EIF4E: variants seen among roughly 807,000 people sequenced by gnomAD.
EIF4E encodes the protein eukaryotic translation initiation factor 4E.
For missense variants in EIF4E, 113 were observed against 265.6 expected (o/e 0.43, Z 3.99); for synonymous variants, 71 against 88.5 (o/e 0.80, Z 1.11).
intron 3 of EIF4E, chr4:98,890,950 G>T: frequency 2.3e-6 from 1 of 440,050 alleles, no homozygotes; most frequent in South Asian, 2.5e-5. Context: ...ACCAGGAGTG[G>T]AACAAGTTCC....
chr4:98,911,205 C>T (rs548589822), intron 1 of EIF4E, among the ~76,000 whole-genome samples: 15 of 151,720 alleles, frequency 9.9e-5, no homozygotes, highest in African/African-American at 1.9e-4. Context: ...CCTGCCACCA[C>T]GCCCGGCTAA....
At chr4:98,893,291 T>C (rs112103528) in intron 2 of EIF4E, among the ~76,000 whole-genome samples, 7,517 of 152,264 alleles carry the variant, frequency 0.049, 612 homozygotes, top group African/African-American at 0.17. Flanking sequence ...TTGCTGAAGA[T>C]TGGGGTGGCT....
intron 2 of EIF4E, 132 bp from the exon 3 acceptor site, chr4:98,891,464 A>G: frequency 1.4e-6 from 1 of 734,702 alleles, no homozygotes; most frequent in Non-Finnish European, 2.4e-6. Flanking sequence ...GTATATATAC[A>G]CACAATGGAA....
At chr4:98,917,685 G>A (rs1320257877) in intron 1 of EIF4E, among the ~76,000 whole-genome samples, 2 of 152,176 alleles carry the variant, frequency 1.3e-5, no homozygotes, top group African/African-American at 4.8e-5. Context: ...AGATGGAGGA[G>A]GGGCCAAAGA....
rs773718107 is a variant in EIF4E at position 98,928,951 on chromosome 4, C to T, written c.18+144G>A. The T allele has an allele frequency of 1.9e-6, 3 of 1,578,294 alleles. No individual in the cohort carries two copies. In the South Asian group the frequency reaches 3.5e-5, roughly 18 times the overall value. On this transcript the variant is annotated intron_variant, in intron 1 of 6. Coordinates refer to ENST00000450253, the MANE Select transcript of EIF4E (RefSeq NM_001968.5). Reference sequence around the variant, plus strand: ...ATCCTCCGGGACGTCCCCACTTGTCCGCGGGAGGTCAGGTCCAACATGAAG... The same window carrying T: ...ATCCTCCGGGACGTCCCCACTTGTCTGCGGGAGGTCAGGTCCAACATGAAG...
chr4:98,893,280 G>C (rs761532069), intron 2 of EIF4E, among the ~76,000 whole-genome samples: 6 of 152,240 alleles, frequency 3.9e-5, no homozygotes, highest in African/African-American at 1.4e-4. Context: ...CAGAGTAGTG[G>C]TTGCTGAAGA....
intron 1 of EIF4E, among the ~76,000 whole-genome samples, chr4:98,914,551 G>A (rs1319864305): frequency 6.6e-6 from 1 of 151,888 alleles, no homozygotes; most frequent in African/African-American, 2.4e-5. Context: ...AAGAAGCTAA[G>A]CTGAAAAGGC....
intron 1 of EIF4E, among the ~76,000 whole-genome samples, chr4:98,915,887 G>C (rs1283725943): frequency 6.6e-6 from 1 of 151,628 alleles, no homozygotes; most frequent in Non-Finnish European, 1.5e-5. Flanking sequence ...AAGTTCCCCA[G>C]TCACCTTTGC....
At chr4:98,904,492 C>T (rs1196621610) in intron 1 of EIF4E, among the ~76,000 whole-genome samples, 2 of 152,112 alleles carry the variant, frequency 1.3e-5, no homozygotes, top group African/African-American at 2.4e-5. Context: ...CATAATCGGC[C>T]GGGCATGGTG....
intron 2 of EIF4E, among the ~76,000 whole-genome samples, chr4:98,901,590 G>A (rs958380178): frequency 2.0e-5 from 3 of 152,076 alleles, no homozygotes; most frequent in Non-Finnish European, 4.4e-5. Flanking sequence ...TAGTATCCCC[G>A]GTCTTTGTCC....
chr4:98,890,667 C>A (rs1395418726), intron 3 of EIF4E: 7 of 153,096 alleles, frequency 4.6e-5, no homozygotes, highest in Non-Finnish European at 8.7e-5. Flanking sequence ...AGTTGATGAT[C>A]CCAATTCTTA....
intron 1 of EIF4E, among the ~76,000 whole-genome samples, chr4:98,905,635 G>A (rs970336769): frequency 2.0e-5 from 3 of 152,188 alleles, no homozygotes; most frequent in African/African-American, 7.2e-5. Flanking sequence ...CAAATGGCAA[G>A]TGAGGGAAGA....
At chr4:98,926,532 AAGTC>A (rs1458409060) in intron 1 of EIF4E, 1 of 152,252 alleles carries the variant, frequency 6.6e-6, no homozygotes, top group Non-Finnish European at 1.5e-5. Context: ...ACAAGAGTGA[AAGTC>A]AGTATCGAAA....
chr4:98,885,555 C>G (rs903826765), intron 5 of EIF4E, among the ~76,000 whole-genome samples: 1 of 152,166 alleles, frequency 6.6e-6, no homozygotes, highest in Non-Finnish European at 1.5e-5. Flanking sequence ...TCAAATGATC[C>G]TTCCACCTCA....
intron 1 of EIF4E, among the ~76,000 whole-genome samples, chr4:98,915,444 C>T (rs1399016907): frequency 1.3e-5 from 2 of 152,062 alleles, no homozygotes; most frequent in Non-Finnish European, 2.9e-5. Flanking sequence ...ATATTAAAGC[C>T]CAAATAAACA....
rs61329973 is a variant in EIF4E at position 98,896,667 on chromosome 4, C to CAAA, written c.125+5206_125+5208dup. ...CGACAGAATGGGACCATGTCTCTTC[C>CAAA]AAAAAAAAAAAAAAAAAAAAAAAAA... On this transcript the variant is annotated intron_variant, in intron 2 of 6. Transcript: ENST00000450253. 2.1e-4 allele frequency among the ~76,000 whole-genome samples: 10 copies of CAAA among 47,680 alleles called. 1 individual carries two copies. Among genetic ancestry groups the CAAA allele is most frequent in the South Asian group, 2.1e-3 (2 of 944 alleles). The allele number at this position is 47,680 out of a possible 152,430, so 31.3% of individuals were successfully genotyped here.
chr4:98,903,963 TGAGA>T, intron 1 of EIF4E, among the ~76,000 whole-genome samples: 2 of 152,190 alleles, frequency 1.3e-5, no homozygotes, highest in Middle Eastern at 3.4e-3. Context: ...ATGAAAACAA[TGAGA>T]GACTGGCAGG....
At position 98,928,953 on chromosome 4, in the gene EIF4E, CG is replaced by C. The variant is rs752260339; in HGVS notation, c.18+141del. On this transcript the variant is annotated intron_variant, in intron 1 of 6. Coordinates refer to ENST00000450253, the MANE Select transcript of EIF4E (RefSeq NM_001968.5). ...CCTCCGGGACGTCCCCACTTGTCCG[CG>C]GGAGGTCAGGTCCAACATGAAGGGG... 48 of 1,578,546 alleles carry C rather than the reference CG, an allele frequency of 3.0e-5. No homozygotes were observed. In the South Asian group the frequency reaches 5.2e-4, roughly 17 times the overall value.
At chr4:98,918,988 ACTGT>A (rs1725527199) in intron 1 of EIF4E, among the ~76,000 whole-genome samples, 2 of 152,196 alleles carry the variant, frequency 1.3e-5, no homozygotes, top group Admixed American at 6.5e-5. Flanking sequence ...ACTGTAAAGT[ACTGT>A]CTATTTACAC....
Sources: allele counts gnomAD v4.1 joint callset (sites outside exome capture counted in the v4.1 genomes callset), GRCh38; gene constraint gnomAD v4.1.1; transcripts MANE v1.5; gene names NCBI Gene and HGNC (gene_info 2026-07-23, HGNC 2026-07-21).